FLCN: variants seen among roughly 807,000 people sequenced by gnomAD.
FLCN encodes folliculin.
A neutral mutation model predicts 62.5 loss-of-function variants in FLCN; 22 were observed. That is an observed-to-expected ratio of 0.35 (90% confidence interval 0.25 to 0.50). The LOEUF (loss-of-function observed/expected upper bound fraction) is 0.50. Among genes scored for constraint, FLCN ranks in the 20% least tolerant of loss-of-function variants. The pLI is 0.97. For synonymous variants in FLCN, 319 were observed against 310.0 expected (o/e 1.03, Z -0.30); for missense variants, 657 against 778.0 (o/e 0.84, Z 1.85).
rs1479722705 is a variant in FLCN, at chr17:17,212,644, G to A, written c.*1011C>T. On this transcript the variant is annotated 3_prime_UTR_variant, in exon 14 of 14. Coordinates refer to ENST00000285071, the MANE Select transcript of FLCN (RefSeq NM_144997.7). ...TACTAAAAAATACAAAAATTAGCTG[G>A]GCATAGTGGCGGGCACCTGTAGTTC... The A allele has an allele frequency of 5.6e-6, 1 of 178,918 alleles. No homozygotes were observed. Among genetic ancestry groups the A allele is most frequent in the East Asian group, 9.3e-5 (1 of 10,708 alleles). The allele number at this position is 178,918 out of a possible 1,614,324, so 11.1% of individuals were successfully genotyped here. A position where few individuals can be genotyped will look rare whatever the true frequency, so the allele number is the denominator to read the frequency against.
intron 3 of FLCN, 29 bp from the exon 4 acceptor site, chr17:17,228,190 G>A (rs1423981828): frequency 6.3e-7 from 1 of 1,597,710 alleles, no homozygotes; most frequent in Non-Finnish European, 8.5e-7. Flanking sequence ...ATGTCAGCTT[G>A]CCAATGCCTA....
intron 7 of FLCN, 139 bp from the exon 8 acceptor site, chr17:17,221,767 C>G: frequency 1.1e-6 from 1 of 886,802 alleles, no homozygotes; most frequent in Non-Finnish European, 1.8e-6. Flanking sequence ...AGCCAGATCC[C>G]GCATGCAGGC....
Position 17,216,600 on chromosome 17 carries a change from C to T in FLCN, c.1177-97G>A. ...CCCAAACCCCACACGCCTCCTGCAG[C>T]CCGGTCCAAGCCCTCCCTCCTGCCA... On this transcript the variant is annotated intron_variant, in intron 10 of 13. Coordinates refer to ENST00000285071, the MANE Select transcript of FLCN (RefSeq NM_144997.7). The surrounding 1 kb of genome is among the most constrained non-coding windows in gnomAD (Gnocchi z 4.0). 4 of 1,564,320 alleles carry T rather than the reference C, an allele frequency of 2.6e-6. No homozygotes were observed. Among genetic ancestry groups the T allele is most frequent in the Non-Finnish European group, 3.5e-6 (4 of 1,158,512 alleles).
At chr17:17,219,437 A>G in intron 8 of FLCN, 1 of 573,152 alleles carries the variant, frequency 1.7e-6, no homozygotes, top group Non-Finnish European at 3.1e-6. Context: ...ACTTATGGAA[A>G]GACCGTCAGC....
chr17:17,219,565 C>CTT (rs33981693), intron 8 of FLCN: 478 of 126,172 alleles, frequency 3.8e-3, no homozygotes, highest in Middle Eastern at 0.015. Flanking sequence ...TTTTTTTCCA[C>CTT]TTTTTTTTTT....
intron 4 of FLCN, 97 bp from the exon 5 acceptor site, chr17:17,226,419 T>C: frequency 6.8e-7 from 1 of 1,462,922 alleles, no homozygotes; most frequent in South Asian, 1.2e-5. Flanking sequence ...ACTCAAGCTA[T>C]TTTTGTAAAA....
rs116552501 is a variant in FLCN, at chr17:17,216,811, G to A, written c.1176+258C>T. 5.3e-3 allele frequency among the ~76,000 whole-genome samples: 813 copies of A among 152,310 alleles called. 11 individuals are homozygous for A. The highest frequency in any genetic ancestry group is 0.019 in the African/African-American group (780 of 41,562). On this transcript the variant is annotated intron_variant, in intron 10 of 13. Transcript: ENST00000285071. This position sits in a 1 kb window ranked among gnomAD's most constrained non-coding sequence, Gnocchi z 4.0. ...GTCTCCTACCGCATCCCACAAAGAA[G>A]CTTTTACCAAGACTGTGTCATATGC...
At position 17,216,329 on chromosome 17, in the gene FLCN, G is replaced by A. The variant is rs144440379; in HGVS notation, c.1300+51C>T. The A allele has an allele frequency of 6.8e-4, 1,098 of 1,609,068 alleles. 7 individuals are homozygous for A. The East Asian group carries it at 0.017, about 25-fold the overall frequency. On this transcript the variant is annotated intron_variant, in intron 11 of 13. Coordinates refer to ENST00000285071, the MANE Select transcript of FLCN (RefSeq NM_144997.7). This position sits in a 1 kb window ranked among gnomAD's most constrained non-coding sequence, Gnocchi z 4.0. ...TCTGGTTCCACTTTGGGCCTGAGGCGTGGGGAACCTCAGCGCAGGGCATGG... is the reference window on the plus strand; with the variant it reads ...TCTGGTTCCACTTTGGGCCTGAGGCATGGGGAACCTCAGCGCAGGGCATGG...
chr17:17,213,781 G>C lies in FLCN; in HGVS notation c.1614C>G (p.Ile538Met), dbSNP rs1597574133. The change falls in exon 14 of 14, where the codon ATC (isoleucine) becomes ATG (methionine). Residue 538 changes from isoleucine to methionine, a missense_variant. By Grantham distance (10) the Ile-to-Met change is conservative (BLOSUM62 1). Coordinates refer to ENST00000285071, the MANE Select transcript of FLCN (RefSeq NM_144997.7). Reference protein sequence around the residue: ...PKEDTQKLLSILGASEEDNVK... With the variant: ...PKEDTQKLLSMLGASEEDNVK... Reference sequence around the variant, plus strand: ...CATTGTCCTCCTCGGACGCACCCAGGATGCTCAGCAGCTTCTGTGTGTCCT... The same window carrying C: ...CATTGTCCTCCTCGGACGCACCCAGCATGCTCAGCAGCTTCTGTGTGTCCT... 1 of 1,614,246 alleles carries C rather than the reference G, an allele frequency of 6.2e-7. No individual in the cohort carries two copies. The highest frequency in any genetic ancestry group is 8.5e-7 in the Non-Finnish European group (1 of 1,180,050).
intron 9 of FLCN, chr17:17,217,821 G>C (rs1236810730): frequency 6.2e-6 from 1 of 160,536 alleles, no homozygotes; most frequent in African/African-American, 2.4e-5. Flanking sequence ...CTGTCTCACG[G>C]CTTCTAAGAA....
chr17:17,227,789 C>G, intron 4 of FLCN, 100 bp downstream of exon 4: 1 of 1,540,442 alleles, frequency 6.5e-7, no homozygotes, highest in Non-Finnish European at 9.0e-7. Context: ...GAGAAGCAGT[C>G]TGTGTCACCC....
Position 17,227,955 on chromosome 17 carries a change from G to C in FLCN, c.183C>G (p.His61Gln), listed in dbSNP as rs2145042523. 1 of 1,614,140 alleles carries C rather than the reference G, an allele frequency of 6.2e-7. No individual in the cohort carries two copies. The highest frequency in any genetic ancestry group is 1.1e-5 in the South Asian group (1 of 91,088). ...GIQMNSRMRAHSPAEGASVES... is the reference protein window; with the variant it reads ...GIQMNSRMRAQSPAEGASVES... ...CGACGCTGGCCCCCTCTGCGGGGCTGTGCGCACGCATCCGACTGTTCATCT... is the reference window on the plus strand; with the variant it reads ...CGACGCTGGCCCCCTCTGCGGGGCTCTGCGCACGCATCCGACTGTTCATCT... The change falls in exon 4 of 14, where the codon CAC becomes CAG. Residue 61 changes from histidine (H) to glutamine (Q), a missense_variant. Physicochemically the swap from His to Gln is conservative, Grantham distance 24 (BLOSUM62 0). Transcript: ENST00000285071.
chr17:17,232,452 G>T (rs985604114), intron 2 of FLCN, among the ~76,000 whole-genome samples: 8 of 152,192 alleles, frequency 5.3e-5, no homozygotes, highest in Non-Finnish European at 1.0e-4. Context: ...GAATCTAGGG[G>T]CGGCAGAGGT....
rs189888135 is a variant in FLCN, at chr17:17,212,941, G to T, written c.*714C>A. The stretch of plus-strand genomic sequence containing the variant: ...GGGGCTCACCATATCCAGGGGATTG[G>T]GCAAGTCAGATGCTTGCCGACCCCT... On this transcript the variant is annotated 3_prime_UTR_variant, in exon 14 of 14. Coordinates refer to ENST00000285071, the MANE Select transcript of FLCN (RefSeq NM_144997.7). 3.4e-5 allele frequency: 8 copies of T among 235,956 alleles called. No homozygotes were observed. In the East Asian group the frequency reaches 4.8e-4, roughly 14 times the overall value. 14.6% of individuals were successfully genotyped at this position (235,956 alleles called of 1,614,324 possible). A position where few individuals can be genotyped will look rare whatever the true frequency, so the allele number is the denominator to read the frequency against.
At position 17,213,937 on chromosome 17, in the gene FLCN, A is replaced by G. The variant is rs1392692800; in HGVS notation, c.1539-81T>C. On this transcript the variant is annotated intron_variant, in intron 13 of 13. Transcript: ENST00000285071. The stretch of plus-strand genomic sequence containing the variant: ...GGTCACGGGGCCAACCAGGGGTGAC[A>G]CGGCTTTGGCACCAGCAGGAGCTGT... 2.0e-6 allele frequency: 3 copies of G among 1,481,864 alleles called. No individual in the cohort carries two copies. The African/African-American group carries it at 4.1e-5, about 20-fold the overall frequency. 91.8% of individuals were successfully genotyped at this position (1,481,864 alleles called of 1,614,324 possible). A position where few individuals can be genotyped will look rare whatever the true frequency, so the allele number is the denominator to read the frequency against.
chr17:17,234,533 A>G (rs1466959655), intron 1 of FLCN, among the ~76,000 whole-genome samples: 2 of 150,104 alleles, frequency 1.3e-5, no homozygotes, highest in Non-Finnish European at 3.0e-5. Flanking sequence ...GGCTACTCTT[A>G]TTCGTTTTTC....
At chr17:17,227,619 G>A (rs1339013994) in intron 4 of FLCN, among the ~76,000 whole-genome samples, 2 of 152,170 alleles carry the variant, frequency 1.3e-5, no homozygotes, top group African/African-American at 4.8e-5. Flanking sequence ...GCTGAGGCAG[G>A]AGAATTGCTT....
chr17:17,225,988 C>G, intron 5 of FLCN, 188 bp downstream of exon 5: 1 of 794,858 alleles, frequency 1.3e-6, no homozygotes. Flanking sequence ...TCAGCAAGTC[C>G]AACATGACTC....
At chr17:17,230,896 C>G (rs1179145336) in intron 3 of FLCN, among the ~76,000 whole-genome samples, 1 of 151,694 alleles carries the variant, frequency 6.6e-6, no homozygotes, top group East Asian at 1.9e-4. Flanking sequence ...GACTTCGTCT[C>G]GAAAAAATTA....
Sources: allele counts gnomAD v4.1 joint callset (sites outside exome capture counted in the v4.1 genomes callset), GRCh38; gene constraint gnomAD v4.1.1; non-coding constraint Gnocchi (gnomAD v3.1); transcripts MANE v1.5; gene names NCBI Gene and HGNC (gene_info 2026-07-23, HGNC 2026-07-21).